ZFHX3: variants seen among roughly 807,000 people sequenced by gnomAD.
The protein encoded by ZFHX3 is zinc finger homeobox 3.
In ZFHX3, 42 loss-of-function variants were observed where a neutral mutation model predicts 279.1. That is an observed-to-expected ratio of 0.15 (90% confidence interval 0.12 to 0.19). ZFHX3 has a LOEUF of 0.19. Ranked by LOEUF, ZFHX3 falls within the 10% of genes least tolerant of loss-of-function variation. ZFHX3 has a pLI of 1.00. For missense variants in ZFHX3, 4,981 were observed against 4,754.0 expected (o/e 1.05, Z -1.40); for synonymous variants, 2,293 against 1,957.8 (o/e 1.17, Z -4.52).
At chr16:72,803,955 C>CGAA (rs946176250) in intron 7 of ZFHX3, among the ~76,000 whole-genome samples, 1 of 152,230 alleles carries the variant, frequency 6.6e-6, no homozygotes, top group Admixed American at 6.5e-5. Context: ...AACTACCTTC[C>CGAA]TCCCAGAGTA....
In ZFHX3 at chr16:73,686,007, A is replaced by G. The variant is rs57382774; in HGVS notation, c.-1607-5767T>C. Among the ~76,000 whole-genome samples the G allele has an allele frequency of 2.2e-3, 340 of 152,348 alleles. 1 individual carries two copies. Among genetic ancestry groups the G allele is most frequent in the African/African-American group, 7.3e-3 (302 of 41,578 alleles). ...GGAAAAGGCTTAAGCAAAATTAAACAGTTGTCTTTATGTTGAACTTCTCCG... is the reference window on the plus strand; with the variant it reads ...GGAAAAGGCTTAAGCAAAATTAAACGGTTGTCTTTATGTTGAACTTCTCCG... On this transcript the variant is annotated intron_variant, in intron 1 of 17. Coordinates refer to the ZFHX3 transcript ENST00000641206.
rs2143386873 is a variant in ZFHX3 at position 72,793,751 on chromosome 16, C to T, written c.8931G>A (p.Glu2977=). 6.2e-7 allele frequency: 1 copy of T among 1,614,182 alleles called. No individual in the cohort carries two copies. The highest frequency in any genetic ancestry group is 1.1e-5 in the South Asian group (1 of 91,084). The change falls in exon 9 of 10, where the codon GAG becomes GAA. Residue 2977 remains glutamate (E), a synonymous_variant. Transcript: ENST00000268489. This position sits in a 1 kb window ranked among gnomAD's most constrained non-coding sequence, Gnocchi z 4.3. ...DYRTPTMLEC[E]VLGNDIGLPK... The stretch of plus-strand genomic sequence containing the variant: ...GCAGTCCAATGTCATTGCCCAGGAC[C>T]TCACATTCTAGCATAGTGGGTGTCC...
chr16:73,109,045 C>A (rs544924785), intron 7 of ZFHX3, among the ~76,000 whole-genome samples: 2 of 152,226 alleles, frequency 1.3e-5, no homozygotes, highest in Non-Finnish European at 2.9e-5. Context: ...CAGCACAAGG[C>A]TCTTCAGAGG....
At chr16:72,931,312 C>T (rs1959785288) in intron 3 of ZFHX3, among the ~76,000 whole-genome samples, 1 of 151,936 alleles carries the variant, frequency 6.6e-6, no homozygotes, top group Non-Finnish European at 1.5e-5. Flanking sequence ...GCATTAAGTT[C>T]TCCTTCTTTC....
chr16:72,791,729 T>C (rs1001970760), intron 9 of ZFHX3: 1 of 152,288 alleles, frequency 6.6e-6, no homozygotes, highest in Non-Finnish European at 1.5e-5. Flanking sequence ...CATAGTTTGT[T>C]TTCCTGGCTT....
intron 1 of ZFHX3, among the ~76,000 whole-genome samples, chr16:73,841,162 T>G (rs141548331): frequency 1.3e-5 from 2 of 152,294 alleles, no homozygotes; most frequent in Non-Finnish European, 2.9e-5. Context: ...TTCACTCCCC[T>G]CACCCCATAC....
intron 1 of ZFHX3, among the ~76,000 whole-genome samples, chr16:73,869,285 C>T (rs575701498): frequency 1.9e-4 from 29 of 152,310 alleles, no homozygotes; most frequent in African/African-American, 5.5e-4. Flanking sequence ...CAGCCCCGAC[C>T]ACCCAAATCA....
At chr16:73,476,541 G>T (rs1324985641) in intron 2 of ZFHX3, among the ~76,000 whole-genome samples, 2 of 152,106 alleles carry the variant, frequency 1.3e-5, no homozygotes, top group Non-Finnish European at 2.9e-5. Flanking sequence ...TTGCTCTAAT[G>T]GAGTATACAC....
chr16:73,004,888 T>C (rs906246181), intron 1 of ZFHX3, among the ~76,000 whole-genome samples: 2 of 152,258 alleles, frequency 1.3e-5, no homozygotes, highest in African/African-American at 4.8e-5. Context: ...GTTTTACTTT[T>C]ACCTCTCCAA....
chr16:73,722,764 C>A (rs537202070), intron 1 of ZFHX3, among the ~76,000 whole-genome samples: 1 of 152,278 alleles, frequency 6.6e-6, no homozygotes, highest in Admixed American at 6.5e-5. Context: ...TTGGTGCAAA[C>A]TGGATCTTAC....
chr16:73,855,109 T>C (rs1961691167), intron 1 of ZFHX3, among the ~76,000 whole-genome samples: 1 of 151,946 alleles, frequency 6.6e-6, no homozygotes, highest in Non-Finnish European at 1.5e-5. Flanking sequence ...TTCTGAGAAA[T>C]TAACATGTAC....
At chr16:73,669,687 T>C (rs921965793) in intron 2 of ZFHX3, among the ~76,000 whole-genome samples, 5 of 152,252 alleles carry the variant, frequency 3.3e-5, no homozygotes, top group African/African-American at 1.2e-4. Context: ...GCCTGCTTTT[T>C]CTTTTCACTA....
At chr16:73,117,950 G>A (rs921731858) in intron 7 of ZFHX3, among the ~76,000 whole-genome samples, 1 of 152,162 alleles carries the variant, frequency 6.6e-6, no homozygotes, top group Non-Finnish European at 1.5e-5. Context: ...CCAGAACCAT[G>A]TGAAATACAT....
intron 2 of ZFHX3, among the ~76,000 whole-genome samples, chr16:73,537,042 T>C (rs768045676): frequency 2.0e-5 from 3 of 152,212 alleles, no homozygotes; most frequent in Non-Finnish European, 4.4e-5. Context: ...ATCCAAGAGA[T>C]ACCAGCAATA....
At chr16:73,838,792 G>A (rs562873866) in intron 1 of ZFHX3, among the ~76,000 whole-genome samples, 28 of 150,866 alleles carry the variant, frequency 1.9e-4, no homozygotes, top group Non-Finnish European at 3.4e-4. Context: ...GTGTGTGTGC[G>A]TGCGCGCACG....
At chr16:73,077,602 T>TCC (rs1965901134) in intron 8 of ZFHX3, among the ~76,000 whole-genome samples, 1 of 151,676 alleles carries the variant, frequency 6.6e-6, no homozygotes, top group Non-Finnish European at 1.5e-5. Flanking sequence ...CGTTTAAGAG[T>TCC]TCATCCTGCA....
At chr16:73,517,758 G>T (rs141431708) in intron 2 of ZFHX3, among the ~76,000 whole-genome samples, 1 of 152,132 alleles carries the variant, frequency 6.6e-6, no homozygotes, top group Non-Finnish European at 1.5e-5. Context: ...CTTTAATCTG[G>T]TATAACACCA....
intron 7 of ZFHX3, among the ~76,000 whole-genome samples, chr16:73,107,914 C>A (rs1452543465): frequency 1.3e-5 from 2 of 152,154 alleles, no homozygotes; most frequent in African/African-American, 4.8e-5. Context: ...GTAATCCCAG[C>A]ACTTTGGGAG....
At chr16:73,000,070 G>GTT (rs1432151577) in intron 1 of ZFHX3, among the ~76,000 whole-genome samples, 8 of 152,232 alleles carry the variant, frequency 5.3e-5, no homozygotes, top group Non-Finnish European at 1.2e-4. Context: ...TGGGGACAGG[G>GTT]CTGGCTTCCG....
Sources: allele counts gnomAD v4.1 joint callset (sites outside exome capture counted in the v4.1 genomes callset), GRCh38; gene constraint gnomAD v4.1.1; non-coding constraint Gnocchi (gnomAD v3.1); transcripts MANE v1.5; gene names NCBI Gene and HGNC (gene_info 2026-07-23, HGNC 2026-07-21).